CTNNA2: variants seen among roughly 807,000 people sequenced by gnomAD.
CTNNA2 encodes the protein catenin alpha 2.
A neutral mutation model predicts 101.0 loss-of-function variants in CTNNA2; 42 were observed. That is an observed-to-expected ratio of 0.42 (90% CI 0.32 to 0.54). CTNNA2 has a LOEUF of 0.54. Among genes scored for constraint, CTNNA2 ranks in the 20% least tolerant of loss-of-function variants. The pLI, the probability that CTNNA2 is intolerant of heterozygous loss-of-function variation, is 0.14. For missense variants in CTNNA2, 871 were observed against 1,223.1 expected, an observed-to-expected ratio of 0.71 and a Z score of 4.29; for synonymous variants, 450 against 456.4, an observed-to-expected ratio of 0.99 and a Z score of 0.18.
chr2:79,423,873 A>G (rs925230261), intron 4 of CTNNA2, among the ~76,000 whole-genome samples: 2 of 152,096 alleles, frequency 1.3e-5, no homozygotes, highest in Non-Finnish European at 2.9e-5. Context: ...ATCCTTTATT[A>G]TTGTTCTTCA....
rs552852120 is a variant in CTNNA2 at position 80,418,517 on chromosome 2, T to C, written c.1138-932T>C. Among the ~76,000 whole-genome samples, 6 of 152,294 alleles carry C rather than the reference T, an allele frequency of 3.9e-5. 1 individual carries two copies. The highest frequency in any genetic ancestry group is 1.2e-4 in the African/African-American group (5 of 41,564). ...CAAACTAAGTTATACATACTTTCATTGCATACGTTATAGTAATTCGTGCAA... is the reference window on the plus strand; with the variant it reads ...CAAACTAAGTTATACATACTTTCATCGCATACGTTATAGTAATTCGTGCAA... On this transcript the variant is annotated intron_variant, in intron 8 of 18. Transcript: ENST00000402739.
intron 3 of CTNNA2, among the ~76,000 whole-genome samples, chr2:79,819,261 G>A (rs956499958): frequency 6.6e-6 from 1 of 152,030 alleles, no homozygotes; most frequent in African/African-American, 2.4e-5. Flanking sequence ...TTACAGGCAC[G>A]AGCCACCATG....
intron 7 of CTNNA2, among the ~76,000 whole-genome samples, chr2:80,392,533 A>C (rs1291245609): frequency 6.6e-6 from 1 of 152,168 alleles, no homozygotes. Flanking sequence ...AAGAAATAGG[A>C]AACTAGTGAA....
intron 7 of CTNNA2, among the ~76,000 whole-genome samples, chr2:80,392,263 G>C (rs1405613479): frequency 6.6e-6 from 1 of 152,152 alleles, no homozygotes; most frequent in Non-Finnish European, 1.5e-5. Context: ...TAGAGACTGA[G>C]TAGGCCACAA....
chr2:80,596,300 T>G (rs1295523595), intron 15 of CTNNA2, among the ~76,000 whole-genome samples: 2 of 59,268 alleles, frequency 3.4e-5, no homozygotes, highest in Non-Finnish European at 3.3e-5. Context: ...TTTTTTTTTT[T>G]TTTTTTTTTT....
At chr2:80,430,930 AG>A (rs1681438876) in intron 9 of CTNNA2, among the ~76,000 whole-genome samples, 1 of 152,152 alleles carries the variant, frequency 6.6e-6, no homozygotes, top group African/African-American at 2.4e-5. Context: ...CAGCTACCTC[AG>A]AAAAGTTATA....
intron 7 of CTNNA2, among the ~76,000 whole-genome samples, chr2:80,014,666 A>G (rs1446496427): frequency 6.6e-6 from 1 of 152,226 alleles, no homozygotes; most frequent in Non-Finnish European, 1.5e-5. Context: ...ACACAAAGAC[A>G]CAAGCTGGTG....
intron 3 of CTNNA2, among the ~76,000 whole-genome samples, chr2:79,745,725 T>A (rs1415994098): frequency 6.6e-6 from 1 of 152,206 alleles, no homozygotes; most frequent in Non-Finnish European, 1.5e-5. Flanking sequence ...GCATAATGTC[T>A]TCAAGGTTCA....
At chr2:79,972,059 T>C (rs1487135685) in intron 7 of CTNNA2, among the ~76,000 whole-genome samples, 1 of 152,148 alleles carries the variant, frequency 6.6e-6, no homozygotes, top group East Asian at 1.9e-4. Context: ...TTCCAAATCA[T>C]TCTTTGGTTG....
intron 2 of CTNNA2, among the ~76,000 whole-genome samples, chr2:79,259,508 A>G (rs1406313631): frequency 6.6e-6 from 1 of 152,206 alleles, no homozygotes; most frequent in Non-Finnish European, 1.5e-5. Flanking sequence ...TGTACCTTGA[A>G]TAACCACGAA....
At chr2:80,539,613 G>A (rs1175296267) in intron 9 of CTNNA2, among the ~76,000 whole-genome samples, 3 of 152,158 alleles carry the variant, frequency 2.0e-5, no homozygotes, top group Non-Finnish European at 4.4e-5. Flanking sequence ...TGGCTGCTAA[G>A]CTTCCTCCTT....
Position 79,423,079 on chromosome 2 carries a change from C to T in CTNNA2, c.-135+49066C>T, listed in dbSNP as rs146835077. ...TTGGGAGGCCTTTGTGATTGCTTAA[C>T]CAGTAGAATAGAGTTTCTGGGCCCA... is the stretch of plus-strand genomic sequence containing the variant. On this transcript the variant is annotated intron_variant, in intron 4 of 21. Transcript: ENST00000466387. Among the ~76,000 whole-genome samples, 1,458 of 152,242 alleles carry T rather than the reference C, an allele frequency of 9.6e-3. 7 individuals carry two copies. The highest frequency in any genetic ancestry group is 0.031 in the Middle Eastern group (9 of 294).
chr2:79,895,388 A>C (rs1684635648), intron 6 of CTNNA2, among the ~76,000 whole-genome samples: 1 of 152,104 alleles, frequency 6.6e-6, no homozygotes, highest in South Asian at 2.1e-4. Flanking sequence ...ATATTTGCAG[A>C]ATATTGGTAC....
At chr2:79,800,922 C>T (rs1484522767) in intron 3 of CTNNA2, among the ~76,000 whole-genome samples, 1 of 152,168 alleles carries the variant, frequency 6.6e-6, no homozygotes, top group Non-Finnish European at 1.5e-5. Context: ...CTGAAAAGAA[C>T]TGGTCCTGAA....
chr2:79,849,314 G>C (rs942241228), intron 3 of CTNNA2, among the ~76,000 whole-genome samples: 5 of 150,164 alleles, frequency 3.3e-5, no homozygotes, highest in Non-Finnish European at 5.9e-5. Flanking sequence ...TTAATAAGCA[G>C]ATAAGGCTTT....
At position 80,368,821 on chromosome 2, in the gene CTNNA2, GTA is replaced by G. The variant is rs201429041; in HGVS notation, c.1057-24380_1057-24379del. The stretch of plus-strand genomic sequence containing the variant: ...GAAAAGAAAATGAAAAACAGTATGT[GTA>G]TATATATATGTGTGTGTGTATATAT... On this transcript the variant is annotated intron_variant, in intron 7 of 18. Transcript: ENST00000402739. Among the ~76,000 whole-genome samples, 59 of 148,216 alleles carry G rather than the reference GTA, an allele frequency of 4.0e-4. 1 individual carries two copies. The highest frequency in any genetic ancestry group is 3.5e-3 in the Middle Eastern group (1 of 288).
intron 9 of CTNNA2, among the ~76,000 whole-genome samples, chr2:80,454,975 C>T (rs1211100705): frequency 6.6e-6 from 1 of 152,258 alleles, no homozygotes; most frequent in Admixed American, 6.5e-5. Flanking sequence ...CTTCTTTTCA[C>T]AATTGAGGAG....
intron 7 of CTNNA2, among the ~76,000 whole-genome samples, chr2:80,389,463 C>T (rs1559068843): frequency 3.3e-5 from 5 of 152,088 alleles, no homozygotes; most frequent in Admixed American, 1.3e-4. Context: ...TTCTCCTCTC[C>T]TCTTTCTCCC....
At chr2:79,552,165 G>A (rs916029132) in intron 1 of CTNNA2, among the ~76,000 whole-genome samples, 8 of 152,142 alleles carry the variant, frequency 5.3e-5, no homozygotes, top group African/African-American at 1.9e-4. Flanking sequence ...TACAATGTGG[G>A]TACAGGCATT....
Sources: allele counts gnomAD v4.1 joint callset (sites outside exome capture counted in the v4.1 genomes callset), GRCh38; gene constraint gnomAD v4.1.1; transcripts MANE v1.5; gene names NCBI Gene and HGNC (gene_info 2026-07-23, HGNC 2026-07-21).